The following RORA variants were observed in gnomAD, a reference collection of about 807,000 sequenced individuals.
The protein encoded by RORA is nuclear receptor ROR-alpha.
Under a neutral mutation model 69.5 loss-of-function variants are expected in RORA, and 7 were observed. The observed-to-expected ratio is 0.10, with a 90% CI of 0.06 to 0.19. The LOEUF (loss-of-function observed/expected upper bound fraction) is 0.19, where lower values mean the gene tolerates loss of function less well. RORA is among the 10% of genes least tolerant of loss of function. The probability of loss-of-function intolerance (pLI) is 1.00; values close to 1 mark genes in which losing one functional copy is unlikely to be tolerated. For missense variants in RORA, 457 were observed against 663.0 expected (o/e 0.69, Z 3.41); for synonymous variants, 261 against 240.8 (o/e 1.08, Z -0.78).
intron 1 of RORA, among the ~76,000 whole-genome samples, chr15:61,209,384 A>G (rs1409384543): frequency 6.6e-6 from 1 of 152,248 alleles, no homozygotes; most frequent in East Asian, 1.9e-4. Context: ...AGAGGTGACC[A>G]TGCCTAAGAT....
intron 3 of RORA, among the ~76,000 whole-genome samples, chr15:60,523,582 C>G (rs1393435616): frequency 6.6e-6 from 1 of 152,194 alleles, no homozygotes; most frequent in Non-Finnish European, 1.5e-5. Context: ...CACCAGCTCT[C>G]CATCACGTTG....
At chr15:61,123,036 C>T (rs2079116663) in intron 1 of RORA, among the ~76,000 whole-genome samples, 1 of 152,062 alleles carries the variant, frequency 6.6e-6, no homozygotes, top group Non-Finnish European at 1.5e-5. Context: ...TTTAATGTAA[C>T]CTCAATTTCA....
intron 1 of RORA, among the ~76,000 whole-genome samples, chr15:61,108,107 T>C (rs2078968929): frequency 6.6e-6 from 1 of 152,216 alleles, no homozygotes; most frequent in Non-Finnish European, 1.5e-5. Flanking sequence ...CAAATGTCCA[T>C]GGGATAGTTT....
At chr15:60,545,511 G>C (rs1363807486) in intron 2 of RORA, among the ~76,000 whole-genome samples, 3 of 152,160 alleles carry the variant, frequency 2.0e-5, no homozygotes. Flanking sequence ...GATTAGTATG[G>C]AACTTAACAC....
intron 1 of RORA, among the ~76,000 whole-genome samples, chr15:60,985,980 C>T (rs529043146): frequency 6.6e-5 from 10 of 152,298 alleles, no homozygotes; most frequent in African/African-American, 9.6e-5. Context: ...GGAACCACAA[C>T]GGATCCGAAT....
At chr15:60,841,896 T>C (rs948877556) in intron 1 of RORA, among the ~76,000 whole-genome samples, 15 of 152,196 alleles carry the variant, frequency 9.9e-5, no homozygotes, top group African/African-American at 3.4e-4. Context: ...TGAATCAATG[T>C]GCCAAGCAGT....
At chr15:60,812,823 T>C (rs888757674) in intron 1 of RORA, among the ~76,000 whole-genome samples, 2 of 152,188 alleles carry the variant, frequency 1.3e-5, no homozygotes, top group Non-Finnish European at 2.9e-5. Context: ...AGAGCTCTAA[T>C]GCAGTGTAAG....
chr15:60,654,021 A>G (rs1300842818), intron 2 of RORA, among the ~76,000 whole-genome samples: 2 of 152,186 alleles, frequency 1.3e-5, no homozygotes, highest in Non-Finnish European at 2.9e-5. Context: ...TACATGAAGA[A>G]GCAGCTTCTC....
chr15:61,194,543 G>GAAAA lies in RORA; in HGVS notation c.166+34506_166+34509dup, dbSNP rs10670983. Among the ~76,000 whole-genome samples, 326 of 143,418 alleles carry GAAAA rather than the reference G, an allele frequency of 2.3e-3. 5 individuals are homozygous for GAAAA. Among genetic ancestry groups the GAAAA allele is most frequent in the South Asian group, 6.5e-3 (29 of 4,468 alleles). The allele number at this position is 143,418 out of a possible 152,430, so 94.1% of individuals were successfully genotyped here. ...GTGCCACTGCACTCCAGCCTAGGAGGAAAAAAAAAAAAAGCTGTAACACTT... is the reference window on the plus strand; with the variant it reads ...GTGCCACTGCACTCCAGCCTAGGAGGAAAAAAAAAAAAAAAAAGCTGTAACACTT... On this transcript the variant is annotated intron_variant, in intron 1 of 10. Transcript: ENST00000335670.
intron 1 of RORA, among the ~76,000 whole-genome samples, chr15:60,778,215 GTTTTTGTTTT>G (rs1299231858): frequency 6.0e-4 from 77 of 129,344 alleles, no homozygotes; most frequent in African/African-American, 2.2e-3. Context: ...CTGGGCTCAG[GTTTTTGTTTT>G]TGTTTGTTTG....
intron 1 of RORA, among the ~76,000 whole-genome samples, chr15:60,692,225 A>T (rs1287032811): frequency 6.6e-6 from 1 of 152,234 alleles, no homozygotes; most frequent in Admixed American, 6.5e-5. Context: ...TTTTAAAAAA[A>T]TACACTTTAT....
intron 3 of RORA, among the ~76,000 whole-genome samples, chr15:60,526,438 G>C (rs1028574209): frequency 6.6e-6 from 1 of 152,210 alleles, no homozygotes; most frequent in African/African-American, 2.4e-5. Flanking sequence ...TTTTCTGTGA[G>C]CTGAGGAAGG....
At chr15:61,130,574 A>C (rs759282861) in intron 1 of RORA, among the ~76,000 whole-genome samples, 6 of 152,202 alleles carry the variant, frequency 3.9e-5, no homozygotes, top group Non-Finnish European at 7.4e-5. Flanking sequence ...TGATAGCTAA[A>C]GTATTGAGTA....
At chr15:60,685,954 A>G (rs918133690) in intron 1 of RORA, among the ~76,000 whole-genome samples, 7 of 152,148 alleles carry the variant, frequency 4.6e-5, no homozygotes, top group African/African-American at 1.4e-4. Flanking sequence ...ATAATATTTC[A>G]GCTCTTTTAC....
At chr15:60,623,001 C>T (rs918877916) in intron 2 of RORA, among the ~76,000 whole-genome samples, 4 of 152,228 alleles carry the variant, frequency 2.6e-5, no homozygotes, top group Non-Finnish European at 5.9e-5. Context: ...CAGGCATGAG[C>T]CACTATGCCC....
chr15:60,650,027 C>T (rs979847451), intron 2 of RORA, among the ~76,000 whole-genome samples: 9 of 152,126 alleles, frequency 5.9e-5, no homozygotes, highest in Non-Finnish European at 1.2e-4. Context: ...GAGGTAAGCA[C>T]GAGTCATGGT....
In RORA at chr15:60,793,291, A is replaced by G. The variant is rs557788142; in HGVS notation, c.167-114605T>C. 2.6e-5 allele frequency among the ~76,000 whole-genome samples: 4 copies of G among 152,330 alleles called. No individual in the cohort carries two copies. The South Asian group carries it at 8.3e-4, about 32-fold the overall frequency. On this transcript the variant is annotated intron_variant, in intron 1 of 10. Coordinates refer to ENST00000335670, the MANE Select transcript of RORA (RefSeq NM_134261.3). The stretch of plus-strand genomic sequence containing the variant: ...ACTAAGTCTTAGTCTTCATGATCAG[A>G]CAAACTCATAAAATTCATTCAAGAA...
chr15:60,621,958 G>A (rs2069421504), intron 2 of RORA, among the ~76,000 whole-genome samples: 1 of 152,042 alleles, frequency 6.6e-6, no homozygotes, highest in South Asian at 2.1e-4. Flanking sequence ...TGAGGCAGGA[G>A]AATTGCTTGA....
At chr15:60,591,051 G>C (rs1426752866) in intron 2 of RORA, among the ~76,000 whole-genome samples, 1 of 152,198 alleles carries the variant, frequency 6.6e-6, no homozygotes, top group African/African-American at 2.4e-5. Context: ...CGCAGATACC[G>C]AACTGGTGTC....
Sources: gnomAD v4.1 joint callset for allele counts (sites outside exome capture counted in the v4.1 genomes callset) on GRCh38, gnomAD v4.1.1 for gene constraint, MANE v1.5 for transcripts, NCBI Gene and HGNC (gene_info 2026-07-23, HGNC 2026-07-21) for gene names.